LIN9: variants seen among roughly 807,000 people sequenced by gnomAD.
LIN9 encodes lin-9 DREAM MuvB core complex component.
LIN9 carries 18 observed loss-of-function variants against 78.0 expected under a neutral mutation model. That is an observed-to-expected ratio of 0.23 (90% confidence interval 0.16 to 0.34). The LOEUF (loss-of-function observed/expected upper bound fraction) is 0.34, where lower values mean the gene tolerates loss of function less well. Ranked by LOEUF, LIN9 falls within the 10% of genes least tolerant of loss-of-function variation. The probability of loss-of-function intolerance (pLI) is 1.00; values close to 1 mark genes in which losing one functional copy is unlikely to be tolerated. For missense variants in LIN9, 451 were observed against 644.1 expected, an observed-to-expected ratio of 0.70 and a Z score of 3.25; for synonymous variants, 192 against 215.2, an observed-to-expected ratio of 0.89 and a Z score of 0.94.
chr1:226,262,235 T>C (rs11583604), intron 10 of LIN9, among the ~76,000 whole-genome samples: 1,727 of 152,314 alleles, frequency 0.011, 15 homozygotes, highest in Non-Finnish European at 0.019. Context: ...CAACTTTAGA[T>C]ATGACATCAA....
intron 10 of LIN9, among the ~76,000 whole-genome samples, chr1:226,262,315 A>G (rs1659640347): frequency 6.6e-6 from 1 of 152,362 alleles, no homozygotes; most frequent in African/African-American, 2.4e-5. Context: ...TGTTTGGTTA[A>G]AGACATTGTA....
At chr1:226,289,206 G>A (rs1321274925) in intron 4 of LIN9, among the ~76,000 whole-genome samples, 1 of 151,894 alleles carries the variant, frequency 6.6e-6, no homozygotes, top group East Asian at 1.9e-4. Flanking sequence ...CTGCACTCCA[G>A]CCTGGGCGAC....
chr1:226,251,215 G>C (rs1658815326), intron 10 of LIN9, among the ~76,000 whole-genome samples: 1 of 145,656 alleles, frequency 6.9e-6, no homozygotes, highest in South Asian at 2.2e-4. Flanking sequence ...AACCATGCCT[G>C]ACTAATTTTT....
chr1:226,233,667 T>C (rs920906675), intron 12 of LIN9, 144 bp from the exon 13 acceptor site: 10 of 474,202 alleles, frequency 2.1e-5, no homozygotes, highest in Non-Finnish European at 3.4e-5. Context: ...AGAAGTTTTT[T>C]TCCTTTAACA....
chr1:226,260,628 GTTTTTTTTT>G (rs559460640), intron 10 of LIN9, among the ~76,000 whole-genome samples: 10 of 73,436 alleles, frequency 1.4e-4, no homozygotes, highest in Admixed American at 3.8e-4. Context: ...GGCCAAATGA[GTTTTTTTTT>G]TTTTTTTTTT....
chr1:226,255,229 C>T (rs1010409812), intron 10 of LIN9, among the ~76,000 whole-genome samples: 2 of 152,136 alleles, frequency 1.3e-5, no homozygotes, highest in Admixed American at 6.6e-5. Flanking sequence ...CAGAAATACT[C>T]CCTCTTGCTT....
At chr1:226,272,265 A>G (rs570367203) in intron 7 of LIN9, among the ~76,000 whole-genome samples, 3 of 152,040 alleles carry the variant, frequency 2.0e-5, no homozygotes, top group Admixed American at 2.0e-4. Context: ...CATGTTGGCC[A>G]GGCTGGTCTT....
chr1:226,231,828 CT>C lies in LIN9; in HGVS notation c.*672del, dbSNP rs1047873711. ...TTAGCATTTTGCACCTTTTTTCCCCCTGTTCCTTCATTTTCTTTCAACAAAC... is the reference window on the plus strand; with the variant it reads ...TTAGCATTTTGCACCTTTTTTCCCCCGTTCCTTCATTTTCTTTCAACAAAC... On this transcript the variant is annotated 3_prime_UTR_variant, in exon 15 of 15. Coordinates refer to ENST00000681046, the MANE Select transcript of LIN9 (RefSeq NM_001366245.2). 6.6e-5 allele frequency: 14 copies of C among 213,362 alleles called. No homozygotes were observed. Among genetic ancestry groups the C allele is most frequent in the Admixed American group, 6.4e-4 (11 of 17,276 alleles). The allele number at this position is 213,362 out of a possible 1,614,324, so 13.2% of individuals were successfully genotyped here.
chr1:226,236,572 CAGCCTCCCG>C (rs1195133310), intron 12 of LIN9, among the ~76,000 whole-genome samples: 1 of 152,180 alleles, frequency 6.6e-6, no homozygotes, highest in Non-Finnish European at 1.5e-5. Flanking sequence ...TCTCCTGCCT[CAGCCTCCCG>C]AGTAGCTGGG....
At chr1:226,276,567 C>T (rs1464404603) in intron 7 of LIN9, among the ~76,000 whole-genome samples, 1 of 152,066 alleles carries the variant, frequency 6.6e-6, no homozygotes, top group Non-Finnish European at 1.5e-5. Flanking sequence ...TCATCTTAAT[C>T]GTTTTTACAA....
At chr1:226,236,479 T>C (rs887674632) in intron 12 of LIN9, among the ~76,000 whole-genome samples, 4 of 151,998 alleles carry the variant, frequency 2.6e-5, no homozygotes, top group African/African-American at 9.7e-5. Context: ...TTCTTGAGAC[T>C]GAGTCTCGCT....
intron 4 of LIN9, among the ~76,000 whole-genome samples, chr1:226,294,115 C>G (rs1464645923): frequency 6.6e-6 from 1 of 151,690 alleles, no homozygotes; most frequent in Non-Finnish European, 1.5e-5. Flanking sequence ...TGAGACCAGC[C>G]TGGCCAATGT....
intron 10 of LIN9, among the ~76,000 whole-genome samples, chr1:226,260,273 C>T (rs1659479933): frequency 6.6e-6 from 1 of 152,166 alleles, no homozygotes; most frequent in Non-Finnish European, 1.5e-5. Flanking sequence ...AGAAATTATA[C>T]CCAACCTCTG....
At chr1:226,254,431 C>T (rs960296695) in intron 10 of LIN9, among the ~76,000 whole-genome samples, 1 of 152,070 alleles carries the variant, frequency 6.6e-6, no homozygotes, top group Non-Finnish European at 1.5e-5. Context: ...TTTATTTTTA[C>T]CTCTTAAGTA....
intron 14 of LIN9, 61 bp downstream of exon 14, chr1:226,233,035 C>A: frequency 1.0e-6 from 1 of 992,456 alleles, no homozygotes; most frequent in South Asian, 1.6e-5. Flanking sequence ...TTCTTAAAAC[C>A]TGGACTGAAA....
intron 3 of LIN9, among the ~76,000 whole-genome samples, chr1:226,297,490 C>T (rs552411026): frequency 6.6e-6 from 1 of 151,852 alleles, no homozygotes; most frequent in Admixed American, 6.6e-5. Context: ...TTTGTTTTTC[C>T]TATTTAAAGA....
chr1:226,271,110 G>A (rs766174032), intron 7 of LIN9, among the ~76,000 whole-genome samples: 58 of 152,138 alleles, frequency 3.8e-4, no homozygotes, highest in Non-Finnish European at 7.1e-4. Flanking sequence ...AACAACTGTG[G>A]CTTAAGTATG....
intron 10 of LIN9, among the ~76,000 whole-genome samples, chr1:226,257,221 A>G (rs1659262448): frequency 6.6e-6 from 1 of 152,220 alleles, no homozygotes; most frequent in South Asian, 2.1e-4. Flanking sequence ...AAGTGCTAGG[A>G]TCACAGGCGT....
At chr1:226,281,215 T>C (rs1661028700) in intron 6 of LIN9, among the ~76,000 whole-genome samples, 1 of 151,946 alleles carries the variant, frequency 6.6e-6, no homozygotes, top group Admixed American at 6.6e-5. Context: ...AAACTAAAAA[T>C]GTGGATCTCA....
Sources: allele counts gnomAD v4.1 joint callset (sites outside exome capture counted in the v4.1 genomes callset), GRCh38; gene constraint gnomAD v4.1.1; transcripts MANE v1.5; gene names NCBI Gene and HGNC (gene_info 2026-07-23, HGNC 2026-07-21).